The following ILRUN variants were observed in gnomAD, a reference collection of about 807,000 sequenced individuals.
ILRUN encodes the protein inflammation and lipid regulator with UBA-like and NBR1-like domains, also known as protein ILRUN.
ILRUN carries 3 observed loss-of-function variants against 33.8 expected under a neutral mutation model. That is an observed-to-expected ratio of 0.09 (90% CI 0.04 to 0.23). The LOEUF is 0.23. Among genes scored for constraint, ILRUN ranks in the 10% least tolerant of loss-of-function variants. The pLI is 1.00. For synonymous variants in ILRUN, 124 were observed against 138.9 expected (o/e 0.89, Z 0.75); for missense variants, 210 against 375.1 (o/e 0.56, Z 3.64).
intron 4 of ILRUN, among the ~76,000 whole-genome samples, chr6:34,604,226 A>T (rs573069712): frequency 1.3e-5 from 2 of 152,338 alleles, no homozygotes. Flanking sequence ...ACCTCACCAT[A>T]GTCCAGCCCT....
At chr6:34,653,209 C>A (rs1002891956) in intron 2 of ILRUN, among the ~76,000 whole-genome samples, 5 of 146,982 alleles carry the variant, frequency 3.4e-5, no homozygotes, top group Non-Finnish European at 6.0e-5. Flanking sequence ...TTTCAAAGAA[C>A]TATGGTTAAT....
intron 3 of ILRUN, among the ~76,000 whole-genome samples, chr6:34,623,018 C>CTT (rs1191884125): frequency 6.6e-6 from 1 of 152,006 alleles, no homozygotes; most frequent in African/African-American, 2.4e-5. Flanking sequence ...TATATAATTC[C>CTT]ACGTATGTGA....
At chr6:34,656,769 G>A (rs1280148779) in intron 1 of ILRUN, among the ~76,000 whole-genome samples, 3 of 152,228 alleles carry the variant, frequency 2.0e-5, no homozygotes, top group African/African-American at 7.2e-5. Context: ...TATAATTAGA[G>A]CAGGTACCTG....
At position 34,607,632 on chromosome 6, in the gene ILRUN, G is replaced by A. The variant is rs542350956; in HGVS notation, c.512-728C>T. On this transcript the variant is annotated intron_variant, in intron 3 of 4. Coordinates refer to ENST00000374023, the MANE Select transcript of ILRUN (RefSeq NM_024294.4). ...ATCATTAGGCAATTTATCACTGTGT[G>A]AACATCATAGAGTGTACAAAACCTA... is the stretch of plus-strand genomic sequence containing the variant. Among the ~76,000 whole-genome samples, 7 of 130,296 alleles carry A rather than the reference G, an allele frequency of 5.4e-5. No homozygotes were observed. In the South Asian group the frequency reaches 1.6e-3, roughly 29 times the overall value. The allele number at this position is 130,296 out of a possible 152,430, so 85.5% of individuals were successfully genotyped here.
intron 3 of ILRUN, chr6:34,616,849 T>C (rs1378415404): frequency 2.9e-6 from 2 of 696,312 alleles, no homozygotes; most frequent in East Asian, 2.8e-5. Flanking sequence ...TGCAGCTTCT[T>C]TGCCTTCATC....
intron 4 of ILRUN, among the ~76,000 whole-genome samples, chr6:34,603,060 T>C (rs967166890): frequency 6.6e-6 from 1 of 152,230 alleles, no homozygotes; most frequent in African/African-American, 2.4e-5. Flanking sequence ...AGCAGGAAAC[T>C]ACCTGCCTAC....
At chr6:34,693,716 G>C (rs1249716077) in intron 1 of ILRUN, among the ~76,000 whole-genome samples, 1 of 150,824 alleles carries the variant, frequency 6.6e-6, no homozygotes, top group Non-Finnish European at 1.5e-5. Context: ...GCCCAGGCTG[G>C]AGTGCAGTGG....
chr6:34,614,433 A>ATT (rs57947473), intron 3 of ILRUN, among the ~76,000 whole-genome samples: 3 of 104,484 alleles, frequency 2.9e-5, no homozygotes, highest in African/African-American at 1.3e-4. Flanking sequence ...AAAAATAATA[A>ATT]AAAAAAAAAA....
rs200742555 is a variant in ILRUN, at chr6:34,643,004, AAG to A, written c.511+3595_511+3596del. Among the ~76,000 whole-genome samples the A allele has an allele frequency of 7.2e-3, 1,078 of 150,626 alleles. 20 individuals carry two copies. The highest frequency in any genetic ancestry group is 0.025 in the African/African-American group (1,024 of 40,920). On this transcript the variant is annotated intron_variant, in intron 3 of 4. Coordinates refer to ENST00000374023, the MANE Select transcript of ILRUN (RefSeq NM_024294.4). Reference sequence around the variant, plus strand: ...GAGAAAAAAAAAAAGGAAAGAATGAAAGAGAGAGAGGCCAGGCGCAGTGGCTC... The same window carrying A: ...GAGAAAAAAAAAAAGGAAAGAATGAAAGAGAGAGGCCAGGCGCAGTGGCTC...
intron 1 of ILRUN, among the ~76,000 whole-genome samples, chr6:34,682,629 A>G (rs1763392353): frequency 6.6e-6 from 1 of 151,936 alleles, no homozygotes; most frequent in Non-Finnish European, 1.5e-5. Context: ...GCACGCCACC[A>G]TGCCCAGCTA....
intron 3 of ILRUN, among the ~76,000 whole-genome samples, chr6:34,623,968 A>C (rs1762061975): frequency 6.6e-6 from 1 of 152,100 alleles, no homozygotes; most frequent in African/African-American, 2.4e-5. Flanking sequence ...AGTAGCTGGG[A>C]GCACAGGTGC....
intron 1 of ILRUN, among the ~76,000 whole-genome samples, chr6:34,677,562 AAC>A (rs71765549): frequency 0.14 from 21,707 of 152,110 alleles, 2,050 homozygotes; most frequent in Non-Finnish European, 0.21. Flanking sequence ...TATATATATG[AAC>A]ACACACTGAC....
chr6:34,672,926 G>A lies in ILRUN; in HGVS notation c.159-18147C>T, dbSNP rs2744946. ...AAAATGAATGCTGAAATGCATAACC[G>A]TCAAATTTCAGGGCACTAGGGACAC... is the stretch of plus-strand genomic sequence containing the variant. On this transcript the variant is annotated intron_variant, in intron 1 of 4. Transcript: ENST00000374023. 7.9e-3 allele frequency among the ~76,000 whole-genome samples: 1,194 copies of A among 152,056 alleles called. 9 individuals are homozygous for A. Among genetic ancestry groups the A allele is most frequent in the Middle Eastern group, 0.034 (10 of 294 alleles).
Position 34,654,357 on chromosome 6 carries a change from T to C in ILRUN, c.313+268A>G, listed in dbSNP as rs1478855407. Among the ~76,000 whole-genome samples, 3 of 152,192 alleles carry C rather than the reference T, an allele frequency of 2.0e-5. No homozygotes were observed. The East Asian group carries it at 5.8e-4, about 29-fold the overall frequency. On this transcript the variant is annotated intron_variant, in intron 2 of 4. Coordinates refer to ENST00000374023, the MANE Select transcript of ILRUN (RefSeq NM_024294.4). ...CATCATATAGAAGTCTAGTTCCTAG[T>C]AACAAAACCAATATTGGATTGTGTT...
intron 2 of ILRUN, among the ~76,000 whole-genome samples, chr6:34,653,132 CAAAAAA>C (rs947213125): frequency 3.9e-5 from 2 of 51,582 alleles, no homozygotes; most frequent in Admixed American, 2.0e-4. Flanking sequence ...GACCTTGTCT[CAAAAAA>C]AAAAAAAAAA....
intron 3 of ILRUN, among the ~76,000 whole-genome samples, chr6:34,642,076 T>C (rs767601865): frequency 6.6e-6 from 1 of 152,232 alleles, no homozygotes. Flanking sequence ...ATCCAATTCA[T>C]AGTGAAGTTT....
chr6:34,682,037 T>A (rs567322805), intron 1 of ILRUN, among the ~76,000 whole-genome samples: 5 of 144,600 alleles, frequency 3.5e-5, no homozygotes, highest in Admixed American at 3.4e-4. Context: ...TTTTTATTTT[T>A]TTACTTTTTT....
intron 2 of ILRUN, 60 bp downstream of exon 2, chr6:34,654,565 T>G (rs1582082594): frequency 6.6e-7 from 1 of 1,504,024 alleles, no homozygotes; most frequent in East Asian, 2.3e-5. Flanking sequence ...CATTTCCTTC[T>G]TATTTAACTA....
chr6:34,640,056 A>G (rs923482297), intron 3 of ILRUN, among the ~76,000 whole-genome samples: 18 of 152,010 alleles, frequency 1.2e-4, no homozygotes, highest in Admixed American at 2.6e-4. Context: ...AAAATCGAGG[A>G]AAAAAAAGAT....
Sources: allele counts gnomAD v4.1 joint callset (sites outside exome capture counted in the v4.1 genomes callset), GRCh38; gene constraint gnomAD v4.1.1; transcripts MANE v1.5; gene names NCBI Gene and HGNC (gene_info 2026-07-23, HGNC 2026-07-21).